NCKAP5: variants seen among roughly 807,000 people sequenced by gnomAD.
NCKAP5 encodes nck-associated protein 5.
Under a neutral mutation model 167.0 loss-of-function variants are expected in NCKAP5, and 92 were observed. The observed-to-expected ratio is 0.55, with a 90% CI of 0.47 to 0.66. The LOEUF is 0.66. NCKAP5 is among the 30% of genes least tolerant of loss of function. The pLI is 0.00. For missense variants in NCKAP5, 2,378 were observed against 2,315.0 expected (o/e 1.03, Z -0.56); for synonymous variants, 891 against 877.4 (o/e 1.02, Z -0.27).
chr2:133,269,966 C>A (rs1574557434), intron 4 of NCKAP5, among the ~76,000 whole-genome samples: 1 of 152,262 alleles, frequency 6.6e-6, no homozygotes, highest in East Asian at 1.9e-4. Flanking sequence ...TTGGCCCTAG[C>A]AACCGGAAGG....
At chr2:133,389,360 T>A (rs1172172737) in intron 3 of NCKAP5, among the ~76,000 whole-genome samples, 1 of 152,248 alleles carries the variant, frequency 6.6e-6, no homozygotes, top group Non-Finnish European at 1.5e-5. Flanking sequence ...TGTCTTGTTA[T>A]CTCAGACTGA....
At chr2:133,146,098 A>G (rs1475394620) in intron 5 of NCKAP5, among the ~76,000 whole-genome samples, 6 of 152,102 alleles carry the variant, frequency 3.9e-5, no homozygotes, top group Admixed American at 3.9e-4. Flanking sequence ...CTAGATAAAA[A>G]GCAACATCTA....
chr2:133,171,553 G>GAACT (rs145470172), intron 5 of NCKAP5, among the ~76,000 whole-genome samples: 1 of 152,312 alleles, frequency 6.6e-6, no homozygotes, highest in East Asian at 1.9e-4. Flanking sequence ...AGAAAAGAAA[G>GAACT]AACTCAACTA....
At chr2:133,204,476 T>A (rs2085854569) in intron 5 of NCKAP5, among the ~76,000 whole-genome samples, 1 of 152,224 alleles carries the variant, frequency 6.6e-6, no homozygotes, top group Admixed American at 6.5e-5. Context: ...ACAGATCGAC[T>A]TCATTTTAAC....
intron 6 of NCKAP5, among the ~76,000 whole-genome samples, chr2:133,011,307 G>A (rs762356302): frequency 2.0e-5 from 3 of 152,106 alleles, no homozygotes; most frequent in Non-Finnish European, 4.4e-5. Flanking sequence ...TAGTACCTAC[G>A]CTATACAGAT....
At chr2:132,731,595 C>T (rs1691010259) in intron 17 of NCKAP5, 142 bp downstream of exon 17, 1 of 822,792 alleles carries the variant, frequency 1.2e-6, no homozygotes, top group South Asian at 1.9e-5. Flanking sequence ...CATTGTTTTG[C>T]TTGTTGGTGA....
At chr2:133,366,067 T>C (rs1421516144) in intron 3 of NCKAP5, among the ~76,000 whole-genome samples, 1 of 152,216 alleles carries the variant, frequency 6.6e-6, no homozygotes, top group Non-Finnish European at 1.5e-5. Flanking sequence ...GGGGAAAAAT[T>C]GATGGTTTGT....
chr2:133,575,208 G>T, the NCKAP5 span, among the ~76,000 whole-genome samples: 1 of 152,206 alleles, frequency 6.6e-6, no homozygotes, highest in African/African-American at 2.4e-5. Flanking sequence ...GGGCTATTAG[G>T]CAGGAGCCTC....
intron 5 of NCKAP5, among the ~76,000 whole-genome samples, chr2:133,198,243 C>T (rs2085524838): frequency 6.6e-6 from 1 of 152,200 alleles, no homozygotes; most frequent in South Asian, 2.1e-4. Context: ...TGCAAACATA[C>T]ATGTATCTGA....
chr2:132,867,438 G>C (rs896580137), intron 10 of NCKAP5, among the ~76,000 whole-genome samples: 8 of 152,094 alleles, frequency 5.3e-5, no homozygotes, highest in Admixed American at 5.2e-4. Flanking sequence ...ATTTCAGCTG[G>C]GCACACACCC....
intron 19 of NCKAP5, among the ~76,000 whole-genome samples, chr2:132,709,211 C>A (rs540030603): frequency 1.3e-5 from 2 of 151,776 alleles, no homozygotes; most frequent in South Asian, 4.2e-4. Context: ...CACAAAAATT[C>A]TTGAGCCCCA....
chr2:133,104,142 T>TA (rs570649100), intron 6 of NCKAP5, among the ~76,000 whole-genome samples: 255 of 143,728 alleles, frequency 1.8e-3, no homozygotes, highest in South Asian at 6.6e-3. Context: ...ACTATAGATC[T>TA]AAAAAAAAAA....
At chr2:133,038,872 A>G (rs2079120505) in intron 6 of NCKAP5, among the ~76,000 whole-genome samples, 1 of 152,182 alleles carries the variant, frequency 6.6e-6, no homozygotes, top group South Asian at 2.1e-4. Flanking sequence ...TTAGGGCATG[A>G]CATGTTTTTT....
chr2:133,236,070 CAAAAAAAAAAAAAAAA>C (rs527705526), intron 4 of NCKAP5, among the ~76,000 whole-genome samples: 55 of 15,684 alleles, frequency 3.5e-3, no homozygotes, highest in Admixed American at 0.011. Context: ...TGTCTCAGAC[CAAAAAAAAAAAAAAAA>C]AAAAAAAAAA....
At chr2:133,332,604 T>C (rs1682933821) in intron 3 of NCKAP5, among the ~76,000 whole-genome samples, 1 of 152,070 alleles carries the variant, frequency 6.6e-6, no homozygotes, top group African/African-American at 2.4e-5. Flanking sequence ...GACTTGAAAG[T>C]TTTAGAAAAA....
Position 132,943,853 on chromosome 2 carries a change from C to T in NCKAP5, c.579+19867G>A, listed in dbSNP as rs368235911. Among the ~76,000 whole-genome samples, 6 of 152,308 alleles carry T rather than the reference C, an allele frequency of 3.9e-5. No homozygotes were observed. The East Asian group carries it at 5.8e-4, about 15-fold the overall frequency. ...GTAAGAACAAGGCGGGTGAAAAGAC[C>T]TTACCAATGAGAGTTCAGAAACTGC... is the stretch of plus-strand genomic sequence containing the variant. On this transcript the variant is annotated intron_variant, in intron 8 of 19. Coordinates refer to ENST00000409261, the MANE Select transcript of NCKAP5 (RefSeq NM_207363.3).
intron 6 of NCKAP5, among the ~76,000 whole-genome samples, chr2:133,041,394 A>G (rs1370547116): frequency 1.3e-5 from 2 of 152,204 alleles, no homozygotes; most frequent in Admixed American, 6.6e-5. Flanking sequence ...GATGATGTTA[A>G]TGTCAATAGG....
At chr2:133,399,188 A>G (rs997039607) in intron 3 of NCKAP5, among the ~76,000 whole-genome samples, 1 of 152,128 alleles carries the variant, frequency 6.6e-6, no homozygotes, top group Admixed American at 6.6e-5. Context: ...TTACAATCAC[A>G]GCTATGTAAC....
At position 132,922,228 on chromosome 2, in the gene NCKAP5, T is replaced by C. The variant is rs58252341; in HGVS notation, c.579+41492A>G. 2.7e-3 allele frequency among the ~76,000 whole-genome samples: 410 copies of C among 152,246 alleles called. 1 individual carries two copies. The highest frequency in any genetic ancestry group is 9.7e-3 in the African/African-American group (402 of 41,538). ...TGCATTAAGGAGGAAAAGAGTATTC[T>C]AGGAGGAGGGAATCATACATGTAAA... On this transcript the variant is annotated intron_variant, in intron 8 of 19. Transcript: ENST00000409261.
Sources: allele counts gnomAD v4.1 joint callset (sites outside exome capture counted in the v4.1 genomes callset), GRCh38; gene constraint gnomAD v4.1.1; transcripts MANE v1.5; gene names NCBI Gene and HGNC (gene_info 2026-07-23, HGNC 2026-07-21).